The following TACC1 variants were observed in gnomAD, a reference collection of about 807,000 sequenced individuals.
TACC1 encodes transforming acidic coiled-coil containing protein 1, also known as transforming acidic coiled-coil-containing protein 1.
TACC1 carries 48 observed loss-of-function variants against 84.4 expected under a neutral mutation model. That is an observed-to-expected ratio of 0.57 (90% CI 0.45 to 0.72). The LOEUF is 0.72. Among genes scored for constraint, TACC1 ranks in the 30% least tolerant of loss-of-function variants. The pLI is 0.00. For synonymous variants in TACC1, 372 were observed against 376.3 expected, an observed-to-expected ratio of 0.99 and a Z score of 0.13; for missense variants, 920 against 973.0, an observed-to-expected ratio of 0.95 and a Z score of 0.72.
rs1288898458 is a variant in TACC1 at position 38,852,727 on chromosome 8, T to TA, written c.*4705dup. ...TAGCAAGTGTGTGTTTGCCAATAGATACCCATTATACTAATGTGCCAAGTA... is the reference window on the plus strand; with the variant it reads ...TAGCAAGTGTGTGTTTGCCAATAGATAACCCATTATACTAATGTGCCAAGTA... On this transcript the variant is annotated 3_prime_UTR_variant, in exon 13 of 13. Transcript: ENST00000317827. 6.6e-6 allele frequency: 1 copy of TA among 152,670 alleles called. No homozygotes were observed. Among genetic ancestry groups the TA allele is most frequent in the African/African-American group, 2.4e-5 (1 of 41,458 alleles). The allele number at this position is 152,670 out of a possible 1,614,324, so 9.5% of individuals were successfully genotyped here.
chr8:38,846,515 A>G (rs1022683508), intron 11 of TACC1, 184 bp from the exon 12 acceptor site: 31 of 606,124 alleles, frequency 5.1e-5, no homozygotes, highest in Non-Finnish European at 7.4e-5. Context: ...TTGTCTGTAA[A>G]TTGAATTTTT....
intron 3 of TACC1, chr8:38,824,100 C>T (rs1827502257): frequency 1.8e-6 from 2 of 1,140,084 alleles, no homozygotes; most frequent in African/African-American, 3.2e-5. Context: ...AGCCATCTCT[C>T]CATAGCATGT....
chr8:38,800,320 C>T (rs1021314857), intron 2 of TACC1, among the ~76,000 whole-genome samples: 14 of 152,136 alleles, frequency 9.2e-5, no homozygotes, highest in South Asian at 2.1e-4. Context: ...TTTAATTTAT[C>T]GACAGAGTTG....
intron 3 of TACC1, among the ~76,000 whole-genome samples, chr8:38,764,426 T>TTAA (rs1491441626): frequency 9.9e-6 from 1 of 100,986 alleles, no homozygotes; most frequent in African/African-American, 4.1e-5. Flanking sequence ...ATCAATTTGG[T>TTAA]AAAAAAAAAA....
intron 2 of TACC1, among the ~76,000 whole-genome samples, chr8:38,795,146 C>G (rs1270222798): frequency 6.6e-6 from 1 of 152,078 alleles, no homozygotes; most frequent in Non-Finnish European, 1.5e-5. Flanking sequence ...GAAGCACCTG[C>G]TTCTATATGG....
intron 9 of TACC1, 56 bp downstream of exon 9, chr8:38,840,323 G>A: frequency 6.7e-7 from 1 of 1,482,178 alleles, no homozygotes; most frequent in South Asian, 1.2e-5. Context: ...GTCTTAGTCT[G>A]TTCAGCCTGG....
intron 1 of TACC1, among the ~76,000 whole-genome samples, chr8:38,731,878 A>G (rs1302637427): frequency 6.6e-6 from 1 of 152,176 alleles, no homozygotes; most frequent in Non-Finnish European, 1.5e-5. Flanking sequence ...TTGGGAGGCC[A>G]AGGCAGACAG....
intron 3 of TACC1, among the ~76,000 whole-genome samples, chr8:38,770,522 T>G (rs1484303977): frequency 6.6e-6 from 1 of 152,116 alleles, no homozygotes; most frequent in Non-Finnish European, 1.5e-5. Flanking sequence ...ACCAGAGGCT[T>G]GAGATCTGTG....
intron 1 of TACC1, among the ~76,000 whole-genome samples, chr8:38,736,306 A>C (rs931381982): frequency 3.3e-5 from 5 of 152,188 alleles, no homozygotes; most frequent in Non-Finnish European, 7.4e-5. Flanking sequence ...GTTCCAAATA[A>C]GATAACCTGG....
Position 38,755,520 on chromosome 8 carries a change from T to C in TACC1, c.26+10027T>C, listed in dbSNP as rs1809830463. Among the ~76,000 whole-genome samples the C allele has an allele frequency of 2.0e-5, 3 of 150,656 alleles. No homozygotes were observed. In the South Asian group the frequency reaches 6.3e-4, roughly 32 times the overall value. On this transcript the variant is annotated intron_variant, in intron 3 of 14. Coordinates refer to the TACC1 transcript ENST00000518415. The stretch of plus-strand genomic sequence containing the variant: ...GAGTTTGAGACCAGCCTGGGCAACA[T>C]AGTGAGACCCCATCTCTACCAAAAA...
At chr8:38,831,520 CA>C (rs1283100770) in intron 6 of TACC1, among the ~76,000 whole-genome samples, 4 of 152,054 alleles carry the variant, frequency 2.6e-5, no homozygotes, top group Admixed American at 6.6e-5. Flanking sequence ...TTATTTGAGA[CA>C]GTCTCACTCT....
upstream of TACC1, among the ~76,000 whole-genome samples, chr8:38,786,221 GAAGA>G (rs1319992296): frequency 6.6e-6 from 1 of 152,156 alleles, no homozygotes; most frequent in Non-Finnish European, 1.5e-5. Flanking sequence ...GATTCACTTG[GAAGA>G]AGGTGCTTTG....
chr8:38,814,342 A>G (rs1375497558), intron 2 of TACC1, among the ~76,000 whole-genome samples: 1 of 152,204 alleles, frequency 6.6e-6, no homozygotes, highest in Admixed American at 6.5e-5. Context: ...ACAGTCATTC[A>G]CCATATAATG....
intron 2 of TACC1, among the ~76,000 whole-genome samples, chr8:38,812,210 C>T (rs912624125): frequency 1.3e-5 from 2 of 152,098 alleles, no homozygotes; most frequent in African/African-American, 4.8e-5. Flanking sequence ...CTAATTTTGC[C>T]GTTTGCCTTG....
At chr8:38,762,036 CTA>C (rs984130348) in intron 3 of TACC1, among the ~76,000 whole-genome samples, 103 of 152,214 alleles carry the variant, frequency 6.8e-4, no homozygotes, top group African/African-American at 2.4e-3. Context: ...AACTTCTAGA[CTA>C]TGAGGGTAGT....
intron 2 of TACC1, among the ~76,000 whole-genome samples, chr8:38,795,558 G>C (rs1819774623): frequency 6.6e-6 from 1 of 152,218 alleles, no homozygotes; most frequent in African/African-American, 2.4e-5. Flanking sequence ...ACATTTAAAT[G>C]AAAGAGCAGT....
In TACC1 at chr8:38,819,650, AGAG is replaced by A; in HGVS notation, c.407_409del (p.Arg136_Glu137delinsLys). On this transcript the variant is annotated inframe_deletion, in exon 3 of 13. Transcript: ENST00000317827. ...TGACTCTCACTCAGTCAAGAATTTCAGAGAAGAACCTGAACATGATTTTAGCAA... is the reference window on the plus strand; with the variant it reads ...TGACTCTCACTCAGTCAAGAATTTCAAAGAACCTGAACATGATTTTAGCAA... 6.2e-7 allele frequency: 1 copy of A among 1,614,252 alleles called. No individual in the cohort carries two copies. The highest frequency in any genetic ancestry group is 1.1e-5 in the South Asian group (1 of 91,090).
At chr8:38,740,816 C>T (rs139473952) in intron 1 of TACC1, among the ~76,000 whole-genome samples, 36 of 152,302 alleles carry the variant, frequency 2.4e-4, no homozygotes, top group African/African-American at 5.3e-4. Context: ...GATCTTTCTC[C>T]GCAGGAAGAT....
intron 2 of TACC1, among the ~76,000 whole-genome samples, chr8:38,790,872 TTA>T (rs1818484035): frequency 6.6e-6 from 1 of 152,218 alleles, no homozygotes; most frequent in African/African-American, 2.4e-5. Context: ...ATAGGCAAGC[TTA>T]TATACTGGAG....
Sources: allele counts gnomAD v4.1 joint callset (sites outside exome capture counted in the v4.1 genomes callset), GRCh38; gene constraint gnomAD v4.1.1; transcripts MANE v1.5; gene names NCBI Gene and HGNC (gene_info 2026-07-23, HGNC 2026-07-21).